ACOT13: variants seen among roughly 807,000 people sequenced by gnomAD.
The protein encoded by ACOT13 is acyl-CoA thioesterase 13.
ACOT13 carries 10 observed loss-of-function variants against 11.8 expected under a neutral mutation model. The observed-to-expected ratio is 0.85, with a 90% CI of 0.53 to 1.44. ACOT13 has a LOEUF of 1.44. ACOT13 is among the 40% of genes most tolerant of loss of function. The probability of loss-of-function intolerance (pLI) is 0.00; values close to 1 mark genes in which losing one functional copy is unlikely to be tolerated. For missense variants in ACOT13, 172 were observed against 174.1 expected, an observed-to-expected ratio of 0.99 and a Z score of 0.07; for synonymous variants, 53 against 61.0, an observed-to-expected ratio of 0.87 and a Z score of 0.61.
rs757296889 is a variant in ACOT13, at chr6:24,697,860, A to G, written c.82-23A>G. Reference sequence around the variant, plus strand: ...TTCTAATTCTACAGAATTAATGTTCAGGATTCTTTTTTTTACACTTAGATT... The same window carrying G: ...TTCTAATTCTACAGAATTAATGTTCGGGATTCTTTTTTTTACACTTAGATT... On this transcript the variant is annotated intron_variant, in intron 1 of 2. Coordinates refer to ENST00000230048, the MANE Select transcript of ACOT13 (RefSeq NM_018473.4). The G allele has an allele frequency of 5.1e-6, 8 of 1,568,466 alleles. No homozygotes were observed. In the East Asian group the frequency reaches 1.2e-4, roughly 23 times the overall value.
chr6:24,702,278 T>C lies in ACOT13; in HGVS notation c.*663T>C, dbSNP rs186226876. The C allele has an allele frequency of 2.0e-5, 3 of 152,354 alleles. No individual in the cohort carries two copies. The highest frequency in any genetic ancestry group is 4.4e-5 in the Non-Finnish European group (3 of 68,070). The allele number at this position is 152,354 out of a possible 1,614,324, so 9.4% of individuals were successfully genotyped here. ...GGCATGTGCCATCACACCTAGCTAA[T>C]TTTTGTAGTTTTTTGTAGAAACAGG... is the stretch of plus-strand genomic sequence containing the variant. On this transcript the variant is annotated 3_prime_UTR_variant, in exon 3 of 3. Transcript: ENST00000230048.
At chr6:24,701,433 G>C in intron 2 of ACOT13, 26 bp from the exon 3 acceptor site, 1 of 1,586,828 alleles carries the variant, frequency 6.3e-7, no homozygotes, top group Non-Finnish European at 8.6e-7. Flanking sequence ...ATTATCTGCT[G>C]TTAACTATAT....
intron 1 of ACOT13, among the ~76,000 whole-genome samples, chr6:24,680,885 G>A (rs1474467983): frequency 6.6e-6 from 1 of 152,206 alleles, no homozygotes; most frequent in Non-Finnish European, 1.5e-5. Flanking sequence ...TCGCACGTTT[G>A]AGGAGACCAA....
chr6:24,670,806 CAA>C (rs1778349177), intron 1 of ACOT13, among the ~76,000 whole-genome samples: 1 of 152,056 alleles, frequency 6.6e-6, no homozygotes, highest in Admixed American at 6.5e-5. Context: ...AATGTTTAAG[CAA>C]AAAGTCAAAA....
chr6:24,679,725 C>T (rs73392557), intron 1 of ACOT13, among the ~76,000 whole-genome samples: 2,473 of 152,236 alleles, frequency 0.016, 61 homozygotes, highest in African/African-American at 0.055. Context: ...CCAAACTCTT[C>T]GGGCTGCAGT....
At chr6:24,673,993 T>G (rs1778404828) in intron 1 of ACOT13, among the ~76,000 whole-genome samples, 1 of 151,020 alleles carries the variant, frequency 6.6e-6, no homozygotes, top group South Asian at 2.1e-4. Context: ...ACAACATCTC[T>G]CTTATTTCCT....
chr6:24,669,390 C>T (rs1184863340), intron 1 of ACOT13, among the ~76,000 whole-genome samples: 1 of 152,248 alleles, frequency 6.6e-6, no homozygotes, highest in Non-Finnish European at 1.5e-5. Context: ...TTTACCTTTC[C>T]TAAGGAGGCA....
intron 1 of ACOT13, among the ~76,000 whole-genome samples, chr6:24,688,054 T>G (rs189249941): frequency 1.3e-5 from 2 of 152,214 alleles, no homozygotes; most frequent in African/African-American, 2.4e-5. Context: ...GAAAAACTTA[T>G]AGATTTTGGA....
intron 1 of ACOT13, among the ~76,000 whole-genome samples, chr6:24,676,762 G>A (rs1778461143): frequency 6.6e-6 from 1 of 152,096 alleles, no homozygotes; most frequent in Non-Finnish European, 1.5e-5. Flanking sequence ...TATCCGCTTG[G>A]CAGTTCCTTT....
chr6:24,698,641 G>GT (rs1472751032), intron 2 of ACOT13, among the ~76,000 whole-genome samples: 1 of 147,556 alleles, frequency 6.8e-6, no homozygotes, highest in Non-Finnish European at 1.5e-5. Context: ...CCATTGCTGG[G>GT]GTTTTTTTTT....
In ACOT13 at chr6:24,704,488, G is replaced by C. The variant is rs1485064229; in HGVS notation, c.*2873G>C. On this transcript the variant is annotated 3_prime_UTR_variant, in exon 3 of 3. Coordinates refer to ENST00000230048, the MANE Select transcript of ACOT13 (RefSeq NM_018473.4). ...CCTCCACTACTTATGATCTGAGCTT[G>C]AGCAAGTTACTTAACCTCTGCATCT... 3 of 152,234 alleles carry C rather than the reference G, an allele frequency of 2.0e-5. No homozygotes were observed. Among genetic ancestry groups the C allele is most frequent in the African/African-American group, 7.2e-5 (3 of 41,462 alleles). The allele number at this position is 152,234 out of a possible 1,614,324, so 9.4% of individuals were successfully genotyped here.
chr6:24,674,882 T>TC (rs1217579788), intron 1 of ACOT13, among the ~76,000 whole-genome samples: 1 of 38,486 alleles, frequency 2.6e-5, no homozygotes, highest in Non-Finnish European at 4.8e-5. Context: ...CCCTCCCCCC[T>TC]CCCCCCACCC....
intron 1 of ACOT13, among the ~76,000 whole-genome samples, chr6:24,690,514 G>A (rs1017037117): frequency 6.6e-6 from 1 of 152,098 alleles, no homozygotes; most frequent in African/African-American, 2.4e-5. Flanking sequence ...ACCAGCCTTT[G>A]GGGAAGAAAA....
Position 24,697,947 on chromosome 6 carries a change from C to T in ACOT13, c.146C>T (p.Thr49Ile). Residue 49 changes from threonine to isoleucine, a missense_variant, in exon 2 of 3, where the codon ACC becomes ATC. Thr to Ile is a moderately conservative substitution (Grantham distance 89, BLOSUM62 -1). Transcript: ENST00000230048. ...GAAATGAAAGTAGAAGAAGAGCATA[C>T]CAATGCAATAGGCACTCTCCACGGC... is the stretch of plus-strand genomic sequence containing the variant. The part of the protein sequence containing the change: ...ICEMKVEEEH[T>I]NAIGTLHGGL... 1 of 1,613,710 alleles carries T rather than the reference C, an allele frequency of 6.2e-7. No individual in the cohort carries two copies. The highest frequency in any genetic ancestry group is 1.3e-5 in the African/African-American group (1 of 75,010).
chr6:24,672,214 T>A (rs773297889), intron 1 of ACOT13, among the ~76,000 whole-genome samples: 36 of 152,128 alleles, frequency 2.4e-4, no homozygotes, highest in Non-Finnish European at 3.8e-4. Flanking sequence ...CATAAAAAGG[T>A]GAAAACCTTC....
chr6:24,682,212 A>G (rs183619979), intron 1 of ACOT13, among the ~76,000 whole-genome samples: 97 of 152,314 alleles, frequency 6.4e-4, no homozygotes, highest in African/African-American at 2.0e-3. Context: ...CTCCAATTCT[A>G]AGGAAGGATA....
At chr6:24,681,783 A>G (rs1448924091) in intron 1 of ACOT13, among the ~76,000 whole-genome samples, 1 of 152,180 alleles carries the variant, frequency 6.6e-6, no homozygotes, top group Non-Finnish European at 1.5e-5. Flanking sequence ...TGCTAGAGGA[A>G]ATGAAAGTGT....
At chr6:24,687,343 A>G in intron 1 of ACOT13, 1 of 862,348 alleles carries the variant, frequency 1.2e-6, no homozygotes. Context: ...GTTCTGCAGT[A>G]AATAAATATG....
chr6:24,695,813 T>C lies in ACOT13; in HGVS notation c.82-2070T>C, dbSNP rs192186751. 1.9e-3 allele frequency among the ~76,000 whole-genome samples: 295 copies of C among 152,320 alleles called. 2 individuals carry two copies. Among genetic ancestry groups the C allele is most frequent in the Middle Eastern group, 6.8e-3 (2 of 294 alleles). On this transcript the variant is annotated intron_variant, in intron 1 of 2. Coordinates refer to ENST00000230048, the MANE Select transcript of ACOT13 (RefSeq NM_018473.4). ...CAGGCGCGGTGGCTCACGACTCTAA[T>C]CCCAGCACTTTGGGAGGCCAAGGTG...
Sources: gnomAD v4.1 joint callset for allele counts (sites outside exome capture counted in the v4.1 genomes callset) on GRCh38, gnomAD v4.1.1 for gene constraint, MANE v1.5 for transcripts, NCBI Gene and HGNC (gene_info 2026-07-23, HGNC 2026-07-21) for gene names.